Variants in PPM1B observed in about 807,000 individuals in gnomAD.
The protein encoded by PPM1B is protein phosphatase 1B.
In PPM1B, 22 loss-of-function variants were observed where a neutral mutation model predicts 43.0. The observed-to-expected ratio is 0.51, with a 90% CI of 0.37 to 0.73. The LOEUF is 0.73. PPM1B is among the 30% of genes least tolerant of loss of function. PPM1B has a pLI of 0.00. For missense variants in PPM1B, 632 were observed against 584.2 expected (o/e 1.08, Z -0.84); for synonymous variants, 217 against 197.9 (o/e 1.10, Z -0.81).
downstream of PPM1B, among the ~76,000 whole-genome samples, chr2:44,237,808 C>T (rs1670657297): frequency 6.6e-6 from 1 of 152,206 alleles, no homozygotes; most frequent in Non-Finnish European, 1.5e-5. Context: ...TTCTTTCCCT[C>T]TCCTGAGTCG....
At chr2:44,207,888 C>CTTTTT (rs569077342) in intron 2 of PPM1B, among the ~76,000 whole-genome samples, 1 of 97,406 alleles carries the variant, frequency 1.0e-5, no homozygotes, top group Non-Finnish European at 2.1e-5. Flanking sequence ...TGGCTTTATG[C>CTTTTT]TTTTTTTTTT....
At chr2:44,239,595 C>G (rs1002693124), downstream of PPM1B, among the ~76,000 whole-genome samples, 3 of 152,028 alleles carry the variant, frequency 2.0e-5, no homozygotes, top group Admixed American at 2.0e-4. Flanking sequence ...AGTAACAAGG[C>G]TGAGGGGAGG....
At chr2:44,197,293 ATTTTTTG>A (rs1289010120) in intron 1 of PPM1B, among the ~76,000 whole-genome samples, 1 of 151,976 alleles carries the variant, frequency 6.6e-6, no homozygotes, top group Non-Finnish European at 1.5e-5. Flanking sequence ...CTAATTTTTA[ATTTTTTG>A]TAGAAATGGA....
chr2:44,175,647 A>C (rs764061032), intron 1 of PPM1B, among the ~76,000 whole-genome samples: 12 of 152,226 alleles, frequency 7.9e-5, no homozygotes, highest in Non-Finnish European at 1.5e-4. Context: ...TTTGTACACT[A>C]AACTTAAAAG....
chr2:44,242,236 G>T (rs1001981856), intron 5 of PPM1B, among the ~76,000 whole-genome samples: 1 of 151,876 alleles, frequency 6.6e-6, no homozygotes, highest in Non-Finnish European at 1.5e-5. Flanking sequence ...ATAAAAGAAT[G>T]GTACGTAAAA....
At chr2:44,223,126 C>G (rs978631311) in intron 5 of PPM1B, among the ~76,000 whole-genome samples, 1 of 152,180 alleles carries the variant, frequency 6.6e-6, no homozygotes, top group African/African-American at 2.4e-5. Context: ...GCCACTGCAT[C>G]CAACCACAAG....
intron 3 of PPM1B, chr2:44,213,703 T>G (rs2104200756): frequency 6.6e-6 from 1 of 152,328 alleles, no homozygotes; most frequent in East Asian, 1.9e-4. Context: ...TAGGTCTCAA[T>G]GCTTTTGAGT....
chr2:44,227,922 CTTT>C (rs59259343), intron 5 of PPM1B, among the ~76,000 whole-genome samples: 3 of 106,792 alleles, frequency 2.8e-5, no homozygotes, highest in Non-Finnish European at 5.3e-5. Context: ...TTTTTCTTTT[CTTT>C]TTTTTTTTTT....
chr2:44,186,982 A>C (rs1007241677), intron 1 of PPM1B, among the ~76,000 whole-genome samples: 1 of 152,360 alleles, frequency 6.6e-6, no homozygotes, highest in East Asian at 1.9e-4. Flanking sequence ...ATAAGCATAC[A>C]CTGCAGTAGT....
chr2:44,235,036 C>G (rs1165523492), downstream of PPM1B, among the ~76,000 whole-genome samples: 1 of 152,142 alleles, frequency 6.6e-6, no homozygotes, highest in African/African-American at 2.4e-5. Flanking sequence ...AGTTGGAAAA[C>G]AGGAATATTT....
downstream of PPM1B, among the ~76,000 whole-genome samples, chr2:44,239,272 T>C (rs1226832454): frequency 3.9e-5 from 6 of 151,904 alleles, no homozygotes; most frequent in Admixed American, 6.6e-5. Flanking sequence ...ACATCTTTCC[T>C]ATATATATTG....
intron 5 of PPM1B, among the ~76,000 whole-genome samples, chr2:44,223,571 A>AGG (rs1245395472): frequency 6.6e-6 from 1 of 151,982 alleles, no homozygotes; most frequent in Non-Finnish European, 1.5e-5. Flanking sequence ...GCACTTTGGG[A>AGG]GGGCGAGGCA....
chr2:44,234,373 G>T (rs1482829695), downstream of PPM1B: 2 of 502,906 alleles, frequency 4.0e-6, no homozygotes, highest in Non-Finnish European at 5.1e-6. Flanking sequence ...ACAAAGATTA[G>T]CTGGGCATGG....
In PPM1B at chr2:44,218,008, G is replaced by T; in HGVS notation, c.1006G>T (p.Ala336Ser). The T allele has an allele frequency of 6.2e-7, 1 of 1,610,516 alleles. No individual in the cohort carries two copies. ...KSGEEGMPDLAHVMRILSAEN... is the reference protein window; with the variant it reads ...KSGEEGMPDLSHVMRILSAEN... Reference sequence around the variant, plus strand: ...TGGCGAGGAAGGAATGCCTGATCTTGCCCATGTCATGCGCATCTTGTCTGC... The same window carrying T: ...TGGCGAGGAAGGAATGCCTGATCTTTCCCATGTCATGCGCATCTTGTCTGC... The change falls in exon 4 of 6, where the codon GCC (alanine) becomes TCC (serine). Residue 336 changes from alanine (A) to serine (S), a missense_variant. Transcript: ENST00000282412.
intron 1 of PPM1B, among the ~76,000 whole-genome samples, chr2:44,198,935 T>C (rs1668789056): frequency 6.6e-6 from 1 of 152,142 alleles, no homozygotes; most frequent in African/African-American, 2.4e-5. Context: ...TTCATTACAA[T>C]CACAAGTATC....
At chr2:44,187,591 C>T (rs965071019) in intron 1 of PPM1B, among the ~76,000 whole-genome samples, 1 of 152,220 alleles carries the variant, frequency 6.6e-6, no homozygotes, top group Non-Finnish European at 1.5e-5. Flanking sequence ...TACTCTGCCT[C>T]TCCGCCAAGC....
chr2:44,241,603 G>A (rs1670745099), intron 5 of PPM1B, among the ~76,000 whole-genome samples: 1 of 123,556 alleles, frequency 8.1e-6, no homozygotes, highest in Non-Finnish European at 1.9e-5. Flanking sequence ...GTGGTGGTGT[G>A]CACCTGTAAT....
At chr2:44,233,940 C>A (rs1572763917), downstream of PPM1B, 3 of 985,414 alleles carry the variant, frequency 3.0e-6, no homozygotes, top group East Asian at 3.4e-4. Flanking sequence ...GTTTATCGTT[C>A]AAACTGTCCA....
At chr2:44,216,225 T>G (rs565346437) in intron 3 of PPM1B, among the ~76,000 whole-genome samples, 5 of 152,104 alleles carry the variant, frequency 3.3e-5, no homozygotes, top group Non-Finnish European at 5.9e-5. Context: ...TAGTGGTAAA[T>G]TGGACTAGAG....
Sources: allele counts gnomAD v4.1 joint callset (sites outside exome capture counted in the v4.1 genomes callset), GRCh38; gene constraint gnomAD v4.1.1; transcripts MANE v1.5; gene names NCBI Gene and HGNC (gene_info 2026-07-23, HGNC 2026-07-21).